Variants in YES1 observed in about 807,000 individuals in gnomAD.
The protein encoded by YES1 is YES proto-oncogene 1, Src family tyrosine kinase.
Under a neutral mutation model 70.4 loss-of-function variants are expected in YES1, and 39 were observed. The ratio of observed to expected loss-of-function variants is 0.55; its 90% CI spans 0.43 to 0.72. YES1 has a LOEUF of 0.72. Ranked by LOEUF, YES1 falls within the 30% of genes least tolerant of loss-of-function variation. YES1 has a pLI of 0.00. For synonymous variants in YES1, 198 were observed against 218.6 expected, an observed-to-expected ratio of 0.91 and a Z score of 0.83; for missense variants, 495 against 644.8, an observed-to-expected ratio of 0.77 and a Z score of 2.52.
At chr18:783,119 CAT>C (rs1905758805) in intron 1 of YES1, among the ~76,000 whole-genome samples, 1 of 151,878 alleles carries the variant, frequency 6.6e-6, no homozygotes, top group South Asian at 2.1e-4. Context: ...TTTGGTGGCA[CAT>C]GTCTGTAAGT....
chr18:752,442 T>C (rs1488601762), intron 2 of YES1, among the ~76,000 whole-genome samples: 1 of 152,012 alleles, frequency 6.6e-6, no homozygotes, highest in East Asian at 1.9e-4. Flanking sequence ...TGTAGCAACA[T>C]CTCAGGCTTG....
At chr18:751,574 G>A (rs927782991) in intron 3 of YES1, 131 bp downstream of exon 3, 1 of 619,854 alleles carries the variant, frequency 1.6e-6, no homozygotes, top group East Asian at 2.7e-5. Context: ...AGAAGCCAAT[G>A]CATCGTTAAA....
chr18:766,770 T>A (rs1904930475), intron 1 of YES1, among the ~76,000 whole-genome samples: 1 of 152,118 alleles, frequency 6.6e-6, no homozygotes, highest in Non-Finnish European at 1.5e-5. Context: ...TCTGTTCAAA[T>A]CAAATTTTTA....
intron 1 of YES1, among the ~76,000 whole-genome samples, chr18:763,583 G>A (rs1286516792): frequency 6.6e-6 from 1 of 150,974 alleles, no homozygotes; most frequent in Non-Finnish European, 1.5e-5. Context: ...CATCCCTATA[G>A]TTCTAGCTAC....
chr18:811,586 G>A (rs763927725), intron 1 of YES1, among the ~76,000 whole-genome samples: 1 of 152,102 alleles, frequency 6.6e-6, no homozygotes, highest in Non-Finnish European at 1.5e-5. Context: ...CAAAACAAAG[G>A]AAAACTTTAA....
intron 11 of YES1, among the ~76,000 whole-genome samples, chr18:729,279 G>A (rs2080058590): frequency 6.6e-6 from 1 of 152,040 alleles, no homozygotes; most frequent in South Asian, 2.1e-4. Flanking sequence ...GCCAGGCGGG[G>A]TGGCTCACGC....
intron 1 of YES1, among the ~76,000 whole-genome samples, chr18:766,209 ACACGGT>A (rs1904902559): frequency 6.6e-6 from 1 of 152,272 alleles, no homozygotes; most frequent in Admixed American, 6.5e-5. Flanking sequence ...TAAGCCACTT[ACACGGT>A]CTTATCTCTA....
chr18:752,178 G>T (rs1454787498), intron 2 of YES1, among the ~76,000 whole-genome samples: 1 of 152,190 alleles, frequency 6.6e-6, no homozygotes, highest in Non-Finnish European at 1.5e-5. Context: ...TGTGATTTTG[G>T]CTTGCTGTAA....
In YES1 at chr18:743,073, A is replaced by C; in HGVS notation, c.905T>G (p.Val302Gly). 1 of 1,598,960 alleles carries C rather than the reference A, an allele frequency of 6.3e-7. No individual in the cohort carries two copies. Among genetic ancestry groups the C allele is most frequent in the Non-Finnish European group, 8.5e-7 (1 of 1,176,186 alleles). Residue 302 changes from valine (V) to glycine (G), a missense_variant, in exon 8 of 12, where the codon GTA (valine) becomes GGA (glycine). Around this residue, in one of 2 missense-constraint regions of YES1, gnomAD observed 385 missense variants for 540.9 expected, o/e 0.71. Coordinates refer to ENST00000314574, the MANE Select transcript of YES1 (RefSeq NM_005433.4). ...WMGTWNGTTK[V>G]AIKTLKPGTM... ...ACCTGGTTTTAGTGTTTTGATTGCT[A>C]CTTTCGTGGTTCCATTCCATGTTCC...
intron 1 of YES1, among the ~76,000 whole-genome samples, chr18:800,914 A>G (rs1450697958): frequency 6.6e-6 from 1 of 151,990 alleles, no homozygotes; most frequent in Non-Finnish European, 1.5e-5. Context: ...TTGGGAGGCC[A>G]AGGCGGGTGG....
At chr18:756,496 G>A in intron 2 of YES1, 61 bp downstream of exon 2, 2 of 1,582,442 alleles carry the variant, frequency 1.3e-6, no homozygotes, top group African/African-American at 1.3e-5. Flanking sequence ...CAAGCCTTAA[G>A]TATATATTAC....
intron 1 of YES1, among the ~76,000 whole-genome samples, chr18:794,773 C>T (rs1458517484): frequency 1.3e-5 from 2 of 152,132 alleles, no homozygotes; most frequent in Non-Finnish European, 2.9e-5. Flanking sequence ...TGTCACAAGG[C>T]ATTCTCTCTG....
intron 1 of YES1, among the ~76,000 whole-genome samples, chr18:792,780 G>C (rs1303480731): frequency 1.3e-5 from 2 of 151,654 alleles, no homozygotes; most frequent in African/African-American, 2.4e-5. Context: ...GGGCAACATA[G>C]AGAGACCTTG....
At chr18:763,061 G>C (rs1037742293) in intron 1 of YES1, among the ~76,000 whole-genome samples, 13 of 152,312 alleles carry the variant, frequency 8.5e-5, no homozygotes, top group Admixed American at 3.3e-4. Flanking sequence ...GGATATTCCA[G>C]GAAGAATGAA....
rs571268611 is a variant in YES1 at position 786,366 on chromosome 18, G to C, written c.-9+25748C>G. ...GGAGGAAGGGGAGCTTCACATAAGA[G>C]TGTCAAGTTTGAGGGACACTGGCAA... On this transcript the variant is annotated intron_variant, in intron 1 of 11. Coordinates refer to ENST00000314574, the MANE Select transcript of YES1 (RefSeq NM_005433.4). Among the ~76,000 whole-genome samples the C allele has an allele frequency of 2.0e-5, 3 of 152,132 alleles. No homozygotes were observed. The South Asian group carries it at 6.2e-4, about 32-fold the overall frequency.
intron 3 of YES1, among the ~76,000 whole-genome samples, chr18:748,352 A>T (rs1416687023): frequency 1.1e-5 from 1 of 91,022 alleles, no homozygotes; most frequent in Non-Finnish European, 2.0e-5. Context: ...ATTACTCAGT[A>T]TTCTTTTCTT....
chr18:752,197 T>A (rs1318189437), intron 2 of YES1, among the ~76,000 whole-genome samples: 1 of 152,198 alleles, frequency 6.6e-6, no homozygotes, highest in African/African-American at 2.4e-5. Context: ...AACCTCTGCC[T>A]CCTAGGTTCA....
At chr18:805,436 G>C (rs1265858254) in intron 1 of YES1, among the ~76,000 whole-genome samples, 1 of 152,172 alleles carries the variant, frequency 6.6e-6, no homozygotes, top group African/African-American at 2.4e-5. Context: ...AACTTCCTTA[G>C]GCAGAGCATG....
At chr18:743,711 G>C (rs1051414981) in intron 6 of YES1, among the ~76,000 whole-genome samples, 1 of 151,906 alleles carries the variant, frequency 6.6e-6, no homozygotes, top group South Asian at 2.1e-4. Context: ...TTCGAGACTA[G>C]CCTGGCCAAT....
Sources: allele counts gnomAD v4.1 joint callset (sites outside exome capture counted in the v4.1 genomes callset), GRCh38; gene constraint gnomAD v4.1.1; regional missense constraint gnomAD v4.1.1; transcripts MANE v1.5; gene names NCBI Gene and HGNC (gene_info 2026-07-23, HGNC 2026-07-21).